The following HIVEP3 variants were observed in gnomAD, a reference collection of about 807,000 sequenced individuals.
HIVEP3 encodes HIVEP zinc finger 3.
HIVEP3 carries 49 observed loss-of-function variants against 152.8 expected under a neutral mutation model. That is an observed-to-expected ratio of 0.32 (90% confidence interval 0.26 to 0.41). The LOEUF (loss-of-function observed/expected upper bound fraction) is 0.41. Among genes scored for constraint, HIVEP3 ranks in the 10% least tolerant of loss-of-function variants. The pLI, the probability that HIVEP3 is intolerant of heterozygous loss-of-function variation, is 1.00. For missense variants in HIVEP3, 2,790 were observed against 3,103.3 expected, an observed-to-expected ratio of 0.90 and a Z score of 2.40; for synonymous variants, 1,269 against 1,289.0, an observed-to-expected ratio of 0.98 and a Z score of 0.33.
intron 2 of HIVEP3, among the ~76,000 whole-genome samples, chr1:41,665,497 G>A (rs1323115130): frequency 6.6e-6 from 1 of 151,778 alleles, no homozygotes; most frequent in African/African-American, 2.4e-5. Context: ...TAATACACAA[G>A]CCTGTGTTCA....
chr1:41,544,865 C>CTCT (rs1643667221), intron 5 of HIVEP3, among the ~76,000 whole-genome samples: 3 of 122,662 alleles, frequency 2.4e-5, no homozygotes, highest in African/African-American at 1.1e-4. Context: ...CCACCACCAC[C>CTCT]ACCACCACCA....
At chr1:41,574,378 G>A (rs1015969501) in intron 5 of HIVEP3, among the ~76,000 whole-genome samples, 8 of 152,290 alleles carry the variant, frequency 5.3e-5, no homozygotes, top group African/African-American at 1.4e-4. Context: ...CAACGCAGCT[G>A]CTATTGGTAT....
intron 1 of HIVEP3, among the ~76,000 whole-genome samples, chr1:41,955,790 T>C (rs535453833): frequency 7.4e-4 from 112 of 152,306 alleles, no homozygotes; most frequent in Admixed American, 1.8e-3. Context: ...AGAGGCATAA[T>C]TAAAATTGTG....
intron 1 of HIVEP3, among the ~76,000 whole-genome samples, chr1:41,927,926 T>G (rs1644976127): frequency 6.6e-6 from 1 of 151,742 alleles, no homozygotes; most frequent in Non-Finnish European, 1.5e-5. Flanking sequence ...CCAGGCGTGG[T>G]GACGTGTGCC....
At chr1:41,800,697 C>G (rs1650250749) in intron 1 of HIVEP3, among the ~76,000 whole-genome samples, 1 of 152,210 alleles carries the variant, frequency 6.6e-6, no homozygotes, top group South Asian at 2.1e-4. Flanking sequence ...TCAAATGTGT[C>G]CAGTGATAGA....
chr1:41,578,733 G>A (rs1644359229), intron 4 of HIVEP3, among the ~76,000 whole-genome samples: 1 of 152,164 alleles, frequency 6.6e-6, no homozygotes, highest in Non-Finnish European at 1.5e-5. Flanking sequence ...CAAATTCTGG[G>A]TTTGTTCAAC....
intron 7 of HIVEP3, among the ~76,000 whole-genome samples, chr1:41,514,348 T>G (rs906143169): frequency 6.6e-6 from 1 of 152,168 alleles, no homozygotes; most frequent in Non-Finnish European, 1.5e-5. Flanking sequence ...AGCTACCATA[T>G]TAATACATTA....
At chr1:41,708,347 T>C (rs919405366) in intron 1 of HIVEP3, among the ~76,000 whole-genome samples, 1 of 152,090 alleles carries the variant, frequency 6.6e-6, no homozygotes, top group African/African-American at 2.4e-5. Flanking sequence ...GCACCCCTTC[T>C]CCCCACTTTG....
chr1:41,513,892 AC>A, intron 7 of HIVEP3, 142 bp from the exon 8 acceptor site: 1 of 617,068 alleles, frequency 1.6e-6, no homozygotes, highest in Non-Finnish European at 2.6e-6. Context: ...TGTTGGGACA[AC>A]CAAGAAACGT....
chr1:41,623,911 G>GT (rs1209234063), intron 3 of HIVEP3, among the ~76,000 whole-genome samples: 7 of 151,956 alleles, frequency 4.6e-5, no homozygotes, highest in Non-Finnish European at 1.0e-4. Context: ...TCAGAGTGAC[G>GT]TGTATGCTCC....
Position 41,581,710 on chromosome 1 carries a change from C to A in HIVEP3, c.3088G>T (p.Ala1030Ser), listed in dbSNP as rs375011701. Residue 1030 changes from alanine (A) to serine (S), a missense_variant, in exon 4 of 9, where the codon GCT (alanine) becomes TCT (serine). This residue lies in a region of HIVEP3 where 1,078 missense variants were observed against 1,165.3 expected (regional missense o/e 0.93). Coordinates refer to ENST00000372583, the MANE Select transcript of HIVEP3 (RefSeq NM_024503.5). The surrounding 1 kb of genome is among the most constrained non-coding windows in gnomAD (Gnocchi z 4.5). ...GGCGGGGCCACCCGCGCTGGTGGAGCCACTGGGGCTGGAGCAGAAGGGCCT... is the reference window on the plus strand; with the variant it reads ...GGCGGGGCCACCCGCGCTGGTGGAGACACTGGGGCTGGAGCAGAAGGGCCT... ...LTGPSAPAPV[A>S]PPARVAPPER... The A allele has an allele frequency of 1.2e-6, 2 of 1,612,752 alleles. No homozygotes were observed. Among genetic ancestry groups the A allele is most frequent in the African/African-American group, 2.7e-5 (2 of 74,896 alleles).
chr1:41,860,790 T>G (rs1008272953), intron 1 of HIVEP3, among the ~76,000 whole-genome samples: 1 of 152,132 alleles, frequency 6.6e-6, no homozygotes, highest in Non-Finnish European at 1.5e-5. Context: ...CACTCACATC[T>G]CTTAAATTAC....
At chr1:41,818,118 CA>C (rs1289642298) in intron 1 of HIVEP3, among the ~76,000 whole-genome samples, 1 of 152,082 alleles carries the variant, frequency 6.6e-6, no homozygotes, top group East Asian at 1.9e-4. Flanking sequence ...TCCAGAAAGC[CA>C]ATCAGAAAAG....
intron 1 of HIVEP3, among the ~76,000 whole-genome samples, chr1:41,836,126 G>A (rs938705729): frequency 2.6e-5 from 4 of 152,200 alleles, no homozygotes; most frequent in Non-Finnish European, 5.9e-5. Context: ...CTCTGGCCAT[G>A]ACTAGGCCAA....
intron 1 of HIVEP3, among the ~76,000 whole-genome samples, chr1:41,997,151 C>G (rs575793469): frequency 5.2e-4 from 79 of 152,348 alleles, no homozygotes; most frequent in African/African-American, 1.5e-3. Flanking sequence ...ATTCTATCAA[C>G]TACACCTTGG....
intron 1 of HIVEP3, among the ~76,000 whole-genome samples, chr1:41,702,088 G>A (rs1271898329): frequency 6.6e-6 from 1 of 152,120 alleles, no homozygotes. Flanking sequence ...CCTGACATTG[G>A]AAAGTTGTTA....
chr1:41,524,990 C>T, intron 5 of HIVEP3, 80 bp from the exon 6 acceptor site: 1 of 1,300,340 alleles, frequency 7.7e-7, no homozygotes, highest in East Asian at 2.3e-5. Context: ...CACGCGCTTC[C>T]TAGATTCATC....
intron 3 of HIVEP3, among the ~76,000 whole-genome samples, chr1:41,605,164 AG>A (rs1644801964): frequency 3.9e-5 from 1 of 25,354 alleles, no homozygotes; most frequent in Admixed American, 6.0e-4. Flanking sequence ...AGGGGTGGAG[AG>A]GGGAGGGGAG....
chr1:41,694,637 T>G (rs1351025841), intron 2 of HIVEP3, among the ~76,000 whole-genome samples: 3 of 152,252 alleles, frequency 2.0e-5, no homozygotes, highest in African/African-American at 7.2e-5. Context: ...CTGCGTGTCA[T>G]GTGCAACATG....
Sources: allele counts gnomAD v4.1 joint callset (sites outside exome capture counted in the v4.1 genomes callset), GRCh38; gene constraint gnomAD v4.1.1; regional missense constraint gnomAD v4.1.1; non-coding constraint Gnocchi (gnomAD v3.1); transcripts MANE v1.5; gene names NCBI Gene and HGNC (gene_info 2026-07-23, HGNC 2026-07-21).